Variants in ADAMTSL1 observed in about 807,000 individuals in gnomAD.
ADAMTSL1 encodes ADAMTS like 1, also known as ADAMTS-like protein 1.
Under a neutral mutation model 201.8 loss-of-function variants are expected in ADAMTSL1, and 126 were observed. The ratio of observed to expected loss-of-function variants is 0.62; its 90% CI spans 0.54 to 0.72. The LOEUF is 0.72. ADAMTSL1 is among the 30% of genes least tolerant of loss of function. ADAMTSL1 has a pLI of 0.00. For missense variants in ADAMTSL1, 2,679 were observed against 2,277.8 expected (o/e 1.18, Z -3.59); for synonymous variants, 1,121 against 903.4 (o/e 1.24, Z -4.32).
intron 3 of ADAMTSL1, among the ~76,000 whole-genome samples, chr9:18,535,425 C>G (rs2132119575): frequency 6.6e-6 from 1 of 152,276 alleles, no homozygotes; most frequent in South Asian, 2.1e-4. Context: ...TTCCTGTCTT[C>G]TGAGCCCCCC....
intron 9 of ADAMTSL1, among the ~76,000 whole-genome samples, chr9:18,675,003 G>A: frequency 6.6e-6 from 1 of 151,974 alleles, no homozygotes; most frequent in South Asian, 2.1e-4. Flanking sequence ...GGTCAGAGTA[G>A]TTTATTGGCA....
Position 18,196,577 on chromosome 9 carries a change from A to C in ADAMTSL1, c.207+32596A>C, listed in dbSNP as rs537614851. 2.0e-5 allele frequency among the ~76,000 whole-genome samples: 3 copies of C among 152,016 alleles called. No homozygotes were observed. In the South Asian group the frequency reaches 6.2e-4, roughly 31 times the overall value. On this transcript the variant is annotated intron_variant, in intron 2 of 29. Transcript: ENST00000680146. Reference sequence around the variant, plus strand: ...TCTCTGCTGGCCTTTTCAGCTTTTGATAGTCTCAGTAGATGAGGATGGCTT... The same window carrying C: ...TCTCTGCTGGCCTTTTCAGCTTTTGCTAGTCTCAGTAGATGAGGATGGCTT...
intron 2 of ADAMTSL1, among the ~76,000 whole-genome samples, chr9:18,304,533 C>T (rs1366662415): frequency 6.6e-6 from 1 of 151,992 alleles, no homozygotes; most frequent in Non-Finnish European, 1.5e-5. Flanking sequence ...TTCTCAAAAA[C>T]TCACACTTAA....
At chr9:18,850,074 G>T (rs1317727272) in intron 23 of ADAMTSL1, among the ~76,000 whole-genome samples, 3 of 152,354 alleles carry the variant, frequency 2.0e-5, no homozygotes, top group East Asian at 3.9e-4. Context: ...AAGCAAGGCA[G>T]TAAATGTCAC....
intron 2 of ADAMTSL1, among the ~76,000 whole-genome samples, chr9:18,236,257 A>T (rs1830843853): frequency 6.6e-6 from 1 of 152,078 alleles, no homozygotes; most frequent in Admixed American, 6.6e-5. Flanking sequence ...TTTTTACTAG[A>T]GACGGGGTTT....
intron 2 of ADAMTSL1, among the ~76,000 whole-genome samples, chr9:18,437,130 A>G (rs2133435267): frequency 6.6e-6 from 1 of 151,738 alleles, no homozygotes; most frequent in South Asian, 2.1e-4. Context: ...ATGGAGGGGG[A>G]CACTCTGCGC....
chr9:18,667,507 A>G (rs1038298963), intron 9 of ADAMTSL1, among the ~76,000 whole-genome samples: 21 of 152,096 alleles, frequency 1.4e-4, no homozygotes, highest in Admixed American at 6.6e-5. Context: ...GCCTTTGGCA[A>G]ATTCCTTATT....
chr9:18,643,932 T>C (rs1217815514), intron 7 of ADAMTSL1, among the ~76,000 whole-genome samples: 10 of 152,040 alleles, frequency 6.6e-5, no homozygotes, highest in Non-Finnish European at 1.2e-4. Context: ...CATTGGAATT[T>C]TGATGGAGAT....
intron 23 of ADAMTSL1, among the ~76,000 whole-genome samples, chr9:18,865,192 C>CTTT (rs1298495324): frequency 6.6e-6 from 1 of 151,712 alleles, no homozygotes; most frequent in African/African-American, 2.4e-5. Flanking sequence ...CCTCCCCGCT[C>CTTT]CCCCCACCCC....
At chr9:18,098,052 T>A (rs757015211) in intron 1 of ADAMTSL1, among the ~76,000 whole-genome samples, 6 of 152,082 alleles carry the variant, frequency 3.9e-5, no homozygotes, top group Non-Finnish European at 5.9e-5. Context: ...CAGATTGATA[T>A]GCAGTTTTTA....
chr9:18,879,150 T>G (rs1049333918), intron 23 of ADAMTSL1, among the ~76,000 whole-genome samples: 4 of 152,176 alleles, frequency 2.6e-5, no homozygotes, highest in African/African-American at 9.7e-5. Context: ...GCACTTGGCT[T>G]TGTGGGAGAG....
At chr9:18,512,115 T>C (rs1052065732) in intron 2 of ADAMTSL1, among the ~76,000 whole-genome samples, 1 of 152,216 alleles carries the variant, frequency 6.6e-6, no homozygotes, top group African/African-American at 2.4e-5. Context: ...TTAAAGGAGA[T>C]TGCATATTTT....
chr9:18,581,326 T>C (rs1382415293), intron 4 of ADAMTSL1, among the ~76,000 whole-genome samples: 2 of 152,190 alleles, frequency 1.3e-5, no homozygotes, highest in African/African-American at 4.8e-5. Flanking sequence ...TTTGGTTACA[T>C]CTGCAAAGAT....
At chr9:18,725,942 C>T (rs1817860663) in intron 15 of ADAMTSL1, among the ~76,000 whole-genome samples, 1 of 152,156 alleles carries the variant, frequency 6.6e-6, no homozygotes, top group African/African-American at 2.4e-5. Context: ...TTTTACATCC[C>T]TGAGACACCA....
chr9:18,701,938 G>A (rs1831946625), intron 13 of ADAMTSL1, among the ~76,000 whole-genome samples: 1 of 152,162 alleles, frequency 6.6e-6, no homozygotes, highest in Admixed American at 6.5e-5. Flanking sequence ...ACATCTCTGA[G>A]ACTGGGCAAT....
In ADAMTSL1 at chr9:18,800,377, C is replaced by CAAAAA. The variant is rs58346548; in HGVS notation, c.3805+4876_3805+4880dup. On this transcript the variant is annotated intron_variant, in intron 20 of 28. Transcript: ENST00000380548. Reference sequence around the variant, plus strand: ...GGGCAACAAGAGGAAAACTCCATCTCAAAAAAAAAAAAAAAAAAAAAAAAA... The same window carrying CAAAAA: ...GGGCAACAAGAGGAAAACTCCATCTCAAAAAAAAAAAAAAAAAAAAAAAAAAAAAA... Among the ~76,000 whole-genome samples the CAAAAA allele has an allele frequency of 0.036, 2,184 of 60,600 alleles. 196 individuals carry two copies. In the East Asian group the frequency reaches 0.38, roughly 11 times the overall value. The allele number at this position is 60,600 out of a possible 152,430, so 39.8% of individuals were successfully genotyped here. A position where few individuals can be genotyped will look rare whatever the true frequency, so the allele number is the denominator to read the frequency against.
At chr9:18,515,251 A>C (rs946653957) in intron 2 of ADAMTSL1, among the ~76,000 whole-genome samples, 1 of 152,126 alleles carries the variant, frequency 6.6e-6, no homozygotes, top group Admixed American at 6.5e-5. Flanking sequence ...GCCGTCTCGA[A>C]GGGGGTGATA....
In ADAMTSL1 at chr9:18,322,277, A is replaced by G. The variant is rs546281432; in HGVS notation, c.207+158296A>G. Among the ~76,000 whole-genome samples the G allele has an allele frequency of 1.8e-3, 273 of 152,320 alleles. 1 individual carries two copies. Among genetic ancestry groups the G allele is most frequent in the Non-Finnish European group, 1.7e-3 (115 of 68,026 alleles). On this transcript the variant is annotated intron_variant, in intron 2 of 29. Coordinates refer to the ADAMTSL1 transcript ENST00000680146. Reference sequence around the variant, plus strand: ...ATAAAAATAAGAGCTAAAACCAATTATATAGAAAAAAATTAAGTTAAAGTC... The same window carrying G: ...ATAAAAATAAGAGCTAAAACCAATTGTATAGAAAAAAATTAAGTTAAAGTC...
intron 14 of ADAMTSL1, among the ~76,000 whole-genome samples, chr9:18,712,078 A>T (rs1832651245): frequency 1.3e-5 from 2 of 151,224 alleles, no homozygotes; most frequent in Admixed American, 1.3e-4. Context: ...AAGGACATCC[A>T]CACCAAAAAC....
Sources: gnomAD v4.1 joint callset for allele counts (sites outside exome capture counted in the v4.1 genomes callset) on GRCh38, gnomAD v4.1.1 for gene constraint, MANE v1.5 for transcripts, NCBI Gene and HGNC (gene_info 2026-07-23, HGNC 2026-07-21) for gene names.